The following MXI1 variants were observed in gnomAD, a reference collection of about 807,000 sequenced individuals.
MXI1 encodes MAX interactor 1, dimerization protein.
MXI1 carries 18 observed loss-of-function variants against 36.9 expected under a neutral mutation model. The ratio of observed to expected loss-of-function variants is 0.49; its 90% CI spans 0.34 to 0.72. MXI1 has a LOEUF of 0.72. Among genes scored for constraint, MXI1 ranks in the 30% least tolerant of loss-of-function variants. The pLI, the probability that MXI1 is intolerant of heterozygous loss-of-function variation, is 0.01. For missense variants in MXI1, 304 were observed against 379.1 expected, an observed-to-expected ratio of 0.80 and a Z score of 1.64; for synonymous variants, 160 against 146.7, an observed-to-expected ratio of 1.09 and a Z score of -0.65.
At chr10:110,255,190 G>T (rs1856241545) in intron 3 of MXI1, among the ~76,000 whole-genome samples, 1 of 152,198 alleles carries the variant, frequency 6.6e-6, no homozygotes, top group African/African-American at 2.4e-5. Flanking sequence ...CCTTAAGAAT[G>T]AGGCTAAATC....
intron 2 of MXI1, among the ~76,000 whole-genome samples, chr10:110,236,209 A>T (rs1483245216): frequency 1.8e-5 from 2 of 112,454 alleles, no homozygotes; most frequent in Non-Finnish European, 3.3e-5. Flanking sequence ...TGAAAAGACT[A>T]TACTTTATTC....
intron 2 of MXI1, among the ~76,000 whole-genome samples, chr10:110,231,224 A>G (rs543736889): frequency 6.6e-6 from 1 of 152,170 alleles, no homozygotes; most frequent in African/African-American, 2.4e-5. Flanking sequence ...GAAATTAGCC[A>G]GGTGTGGTAG....
intron 3 of MXI1, among the ~76,000 whole-genome samples, chr10:110,273,685 C>T (rs997035400): frequency 4.6e-5 from 7 of 152,118 alleles, no homozygotes; most frequent in African/African-American, 1.4e-4. Context: ...CATGAGAGGA[C>T]TCATAGTTCA....
At chr10:110,247,654 C>A (rs1045364775) in intron 3 of MXI1, among the ~76,000 whole-genome samples, 3 of 152,188 alleles carry the variant, frequency 2.0e-5, no homozygotes, top group African/African-American at 7.2e-5. Context: ...GATGCCATCT[C>A]ACACCAGTTA....
chr10:110,207,911 C>T lies in MXI1; in HGVS notation c.103C>T (p.Pro35Ser), dbSNP rs1365898542. The part of the protein sequence containing the change: ...AVPPAVAAPQ[P>S]PALPEDPAGA... Reference sequence around the variant, plus strand: ...GCCCCCCGCCGTGGCCGCGCCCCAGCCCCCGGCCCTGCCCGAGGACCCCGC... The same window carrying T: ...GCCCCCCGCCGTGGCCGCGCCCCAGTCCCCGGCCCTGCCCGAGGACCCCGC... Residue 35 changes from proline (P) to serine (S), a missense_variant, in exon 1 of 6, where the codon CCC (proline) becomes TCC (serine). This residue lies in a region of MXI1 where 179 missense variants were observed against 184.8 expected (regional missense o/e 0.97). Transcript: ENST00000332674. The T allele has an allele frequency of 4.0e-6, 6 of 1,493,620 alleles. No homozygotes were observed. Among genetic ancestry groups the T allele is most frequent in the Non-Finnish European group, 5.4e-6 (6 of 1,119,278 alleles). The allele number at this position is 1,493,620 out of a possible 1,614,324, so 92.5% of individuals were successfully genotyped here.
In MXI1 at chr10:110,285,618, C is replaced by A. The variant is rs1857410886; in HGVS notation, c.*631C>A. On this transcript the variant is annotated 3_prime_UTR_variant, in exon 6 of 6. Transcript: ENST00000332674. ...TGAAAGGGATCATCATGCAGCTCAACTTTCTGTTGGATTCCATGCTAAGCA... is the reference window on the plus strand; with the variant it reads ...TGAAAGGGATCATCATGCAGCTCAAATTTCTGTTGGATTCCATGCTAAGCA... 1 of 152,138 alleles carries A rather than the reference C, an allele frequency of 6.6e-6. No individual in the cohort carries two copies. Among genetic ancestry groups the A allele is most frequent in the African/African-American group, 2.4e-5 (1 of 41,364 alleles). 9.4% of individuals were successfully genotyped at this position (152,138 alleles called of 1,614,324 possible). A position where few individuals can be genotyped will look rare whatever the true frequency, so the allele number is the denominator to read the frequency against.
chr10:110,280,246 G>A (rs1294103091), intron 5 of MXI1, among the ~76,000 whole-genome samples, 161 bp downstream of exon 5: 1 of 151,610 alleles, frequency 6.6e-6, no homozygotes, highest in Non-Finnish European at 1.5e-5. Context: ...TGCCAGTGTG[G>A]ACTATAAAAC....
intron 3 of MXI1, among the ~76,000 whole-genome samples, chr10:110,261,852 A>G (rs1321315198): frequency 6.6e-6 from 1 of 152,140 alleles, no homozygotes; most frequent in Admixed American, 6.5e-5. Context: ...ACAGATAGGC[A>G]TGAACAAGAA....
intron 1 of MXI1, chr10:110,227,290 CGCGTGTGGGAGGGGCGGGT>C: frequency 1.4e-6 from 1 of 731,680 alleles, no homozygotes. Context: ...GAGGGGCGTG[CGCGTGTGGGAGGGGCGGGT>C]GCGGGGAGGG....
At chr10:110,208,405 A>T in intron 1 of MXI1, 1 of 155,434 alleles carries the variant, frequency 6.4e-6, no homozygotes. Context: ...CATCTCTTTG[A>T]GGTCGCTTTT....
chr10:110,242,457 T>G (rs1855704276), intron 2 of MXI1, among the ~76,000 whole-genome samples: 2 of 152,138 alleles, frequency 1.3e-5, no homozygotes, highest in South Asian at 4.1e-4. Flanking sequence ...TAAAAAAAAT[T>G]GGAAGAACAT....
intron 5 of MXI1, among the ~76,000 whole-genome samples, chr10:110,282,040 A>C (rs909840640): frequency 2.0e-5 from 3 of 152,150 alleles, no homozygotes; most frequent in Non-Finnish European, 4.4e-5. Context: ...TTTCTCATCA[A>C]CTTTTCGGTT....
At chr10:110,260,512 C>T (rs1032755875) in intron 3 of MXI1, among the ~76,000 whole-genome samples, 1 of 151,190 alleles carries the variant, frequency 6.6e-6, no homozygotes, top group African/African-American at 2.4e-5. Context: ...CACACACACA[C>T]ATGAAATGAA....
intron 3 of MXI1, among the ~76,000 whole-genome samples, chr10:110,268,024 T>A (rs918922263): frequency 1.3e-5 from 2 of 152,218 alleles, no homozygotes; most frequent in Non-Finnish European, 2.9e-5. Flanking sequence ...TTGGAAAATT[T>A]AACCTCCATA....
At chr10:110,221,096 G>T (rs1374121836) in intron 1 of MXI1, among the ~76,000 whole-genome samples, 1 of 152,222 alleles carries the variant, frequency 6.6e-6, no homozygotes, top group Non-Finnish European at 1.5e-5. Flanking sequence ...GAGTGAAGGA[G>T]TTGACTCTGA....
rs545979932 is a variant in MXI1, at chr10:110,229,370, AG to A, written c.407+1050del. Among the ~76,000 whole-genome samples the A allele has an allele frequency of 1.8e-4, 27 of 152,202 alleles. No homozygotes were observed. In the East Asian group the frequency reaches 5.2e-3, roughly 29 times the overall value. On this transcript the variant is annotated intron_variant, in intron 2 of 5. Transcript: ENST00000332674. ...CCAAATTTCCCTGAAGGCTTTGGGGAGCTTCAGTCAGGTGGTTGGTTAGTCA... is the reference window on the plus strand; with the variant it reads ...CCAAATTTCCCTGAAGGCTTTGGGGACTTCAGTCAGGTGGTTGGTTAGTCA...
In MXI1 at chr10:110,285,914, A is replaced by T. The variant is rs1857417136; in HGVS notation, c.*927A>T. On this transcript the variant is annotated 3_prime_UTR_variant, in exon 6 of 6. Coordinates refer to ENST00000332674, the MANE Select transcript of MXI1 (RefSeq NM_130439.3). ...TTGATAACTGTTTATATGTGTTGAA[A>T]ACCAAAATGACATCTTTTTAAAGCT... 6.6e-6 allele frequency: 1 copy of T among 152,620 alleles called. No homozygotes were observed. The highest frequency in any genetic ancestry group is 6.5e-5 in the Admixed American group (1 of 15,278). 9.5% of individuals were successfully genotyped at this position (152,620 alleles called of 1,614,324 possible).
chr10:110,240,706 T>C (rs1349236768), intron 2 of MXI1, among the ~76,000 whole-genome samples: 1 of 152,030 alleles, frequency 6.6e-6, no homozygotes, highest in Admixed American at 6.6e-5. Context: ...TTTTGCCCTC[T>C]ACATGTATGT....
intron 2 of MXI1, among the ~76,000 whole-genome samples, chr10:110,229,776 G>C (rs1045619252): frequency 2.6e-5 from 4 of 151,986 alleles, no homozygotes; most frequent in Non-Finnish European, 4.4e-5. Context: ...TGCCCTTACG[G>C]TTTCAGTGTT....
Sources: allele counts gnomAD v4.1 joint callset (sites outside exome capture counted in the v4.1 genomes callset), GRCh38; gene constraint gnomAD v4.1.1; regional missense constraint gnomAD v4.1.1; transcripts MANE v1.5; gene names NCBI Gene and HGNC (gene_info 2026-07-23, HGNC 2026-07-21).